The following TRIM7 variants were observed in gnomAD, a reference collection of about 807,000 sequenced individuals.
TRIM7 encodes the protein E3 ubiquitin-protein ligase TRIM7.
In TRIM7, 32 loss-of-function variants were observed where a neutral mutation model predicts 37.9. That is an observed-to-expected ratio of 0.84 (90% CI 0.64 to 1.13). TRIM7 has a LOEUF of 1.13. TRIM7 is among the 50% of genes most tolerant of loss of function. TRIM7 has a pLI of 0.00. For missense variants in TRIM7, 732 were observed against 714.0 expected, an observed-to-expected ratio of 1.03 and a Z score of -0.29; for synonymous variants, 351 against 321.3, an observed-to-expected ratio of 1.09 and a Z score of -0.99.
In TRIM7 at chr5:181,199,847, T is replaced by C. The variant is rs910433771; in HGVS notation, c.849+4A>G. 5 of 1,612,278 alleles carry C rather than the reference T, an allele frequency of 3.1e-6. No homozygotes were observed. Among genetic ancestry groups the C allele is most frequent in the Non-Finnish European group, 4.2e-6 (5 of 1,178,998 alleles). ...ACTCGAGCCCCTGGCTGAGCCAGAC[T>C]TACCTGGAGAAAGTCAAGGTCAGGC... On this transcript the variant is annotated splice_donor_region_variant and intron_variant, in intron 3 of 6. Transcript: ENST00000274773.
Position 181,195,371 on chromosome 5 carries a change from G to A in TRIM7, c.1331C>T (p.Ala444Val), listed in dbSNP as rs779272280. Reference sequence around the variant, plus strand: ...GGGCGACCGCTCGGGGCTGGTCACGGCCCAGTACTGGCCGCCGTTGAGCTG... The same window carrying A: ...GGGCGACCGCTCGGGGCTGGTCACGACCCAGTACTGGCCGCCGTTGAGCTG... ...ALQLNGGQYW[A>V]VTSPERSPLS... The change falls in exon 7 of 7, where the codon GCC becomes GTC. Residue 444 changes from alanine to valine, a missense_variant. Coordinates refer to ENST00000274773, the MANE Select transcript of TRIM7 (RefSeq NM_203293.3). 45 of 1,579,652 alleles carry A rather than the reference G, an allele frequency of 2.8e-5. No homozygotes were observed. In the African/African-American group the frequency reaches 6.1e-4, roughly 21 times the overall value.
chr5:181,194,960 A>C lies in TRIM7; in HGVS notation c.*206T>G. ...ATCCACATGTGACCTCAGGAAGGGA[A>C]CACCCTCAGGAGTCCAAAGCCCCTG... is the stretch of plus-strand genomic sequence containing the variant. On this transcript the variant is annotated 3_prime_UTR_variant, in exon 7 of 7. Coordinates refer to ENST00000274773, the MANE Select transcript of TRIM7 (RefSeq NM_203293.3). 1.8e-6 allele frequency: 1 copy of C among 568,378 alleles called. No individual in the cohort carries two copies. Among genetic ancestry groups the C allele is most frequent in the Non-Finnish European group, 3.0e-6 (1 of 333,716 alleles). The allele number at this position is 568,378 out of a possible 1,614,324, so 35.2% of individuals were successfully genotyped here.
Position 181,203,889 on chromosome 5 carries a change from G to C in TRIM7, c.523-249C>G, listed in dbSNP as rs180872845. 1.7e-3 allele frequency: 2,212 copies of C among 1,268,712 alleles called. 5 individuals carry two copies. The highest frequency in any genetic ancestry group is 0.01 in the Middle Eastern group (34 of 3,252). 78.6% of individuals were successfully genotyped at this position (1,268,712 alleles called of 1,614,324 possible). A position where few individuals can be genotyped will look rare whatever the true frequency, so the allele number is the denominator to read the frequency against. ...ACAAGCTCCGGCAGCCCTACCCCTA[G>C]TCGTCTCCTCTACTCTCCGCCCCCC... is the stretch of plus-strand genomic sequence containing the variant. On this transcript the variant is annotated intron_variant, in intron 1 of 6. Coordinates refer to ENST00000274773, the MANE Select transcript of TRIM7 (RefSeq NM_203293.3).
In TRIM7 at chr5:181,205,090, C is replaced by A. The variant is rs958799667; in HGVS notation, c.21G>T (p.Arg7=). The A allele has an allele frequency of 7.4e-7, 1 of 1,347,950 alleles. No homozygotes were observed. Among genetic ancestry groups the A allele is most frequent in the Non-Finnish European group, 9.5e-7 (1 of 1,052,430 alleles). 83.5% of individuals were successfully genotyped at this position (1,347,950 alleles called of 1,614,324 possible). A position where few individuals can be genotyped will look rare whatever the true frequency, so the allele number is the denominator to read the frequency against. Residue 7 remains arginine, a synonymous_variant, in exon 1 of 7, where the codon CGG becomes CGT. Coordinates refer to ENST00000274773, the MANE Select transcript of TRIM7 (RefSeq NM_203293.3). MAAVGP[R]TGPGTGAEAL... ...CCTCGGCGCCGGTTCCGGGGCCGGT[C>A]CGCGGTCCCACAGCCGCCATGCGCG...
chr5:181,198,042 G>A (rs1336581737), intron 6 of TRIM7, 141 bp downstream of exon 6: 27 of 775,120 alleles, frequency 3.5e-5, no homozygotes, highest in Non-Finnish European at 5.8e-5. Context: ...TGGTGTGGGG[G>A]AGGGGACAGA....
chr5:181,202,569 CTT>C (rs34294728), intron 2 of TRIM7: 182 of 141,376 alleles, frequency 1.3e-3, no homozygotes, highest in African/African-American at 2.0e-3. Context: ...GTTTGCTTAT[CTT>C]TTTTTTTTTT....
chr5:181,204,773 G>T lies in TRIM7; in HGVS notation c.338C>A (p.Pro113Gln). ...LRRFSLPAAA[P>Q]GEHGSQAAAA... is the part of the protein sequence containing the mutation. ...GGCCGCCTGAGACCCGTGCTCTCCC[G>T]GGGCAGCCGCGGGCAGGCTGAAGCG... The change falls in exon 1 of 7, where the codon CCG becomes CAG. Residue 113 changes from proline (P) to glutamine (Q), a missense_variant. Pro to Gln is a moderately conservative substitution (Grantham distance 76). Transcript: ENST00000274773. The T allele has an allele frequency of 7.0e-7, 1 of 1,435,008 alleles. No individual in the cohort carries two copies. The highest frequency in any genetic ancestry group is 9.1e-7 in the Non-Finnish European group (1 of 1,103,466). The allele number at this position is 1,435,008 out of a possible 1,614,324, so 88.9% of individuals were successfully genotyped here.
intron 6 of TRIM7, 102 bp from the exon 7 acceptor site, chr5:181,195,779 C>T (rs1403436242): frequency 1.5e-5 from 22 of 1,428,606 alleles, no homozygotes; most frequent in Non-Finnish European, 1.9e-5. Flanking sequence ...CCTGCCTTTC[C>T]CTCTAGAATC....
intron 5 of TRIM7, 36 bp downstream of exon 5, chr5:181,198,654 G>A (rs372866184): frequency 4.2e-5 from 61 of 1,451,418 alleles, no homozygotes; most frequent in Non-Finnish European, 3.9e-5. Context: ...CACCACCACC[G>A]CACTATGTGG....
intron 2 of TRIM7, chr5:181,200,688 T>A: frequency 3.0e-6 from 3 of 993,728 alleles, no homozygotes; most frequent in Non-Finnish European, 3.6e-6. Context: ...AAGTGTCATA[T>A]TCTGTTCTTT....
rs1345319320 is a variant in TRIM7, at chr5:181,198,342, AC to A, written c.989-125del. 1.1e-5 allele frequency: 11 copies of A among 1,028,838 alleles called. No homozygotes were observed. The Admixed American group carries it at 2.2e-4, about 20-fold the overall frequency. 63.7% of individuals were successfully genotyped at this position (1,028,838 alleles called of 1,614,324 possible). ...CAGAGACTCCTAAGGCCAAGAGTGA[AC>A]GTGCAGGCACAGGGCCAAGCATGGG... On this transcript the variant is annotated intron_variant, in intron 5 of 6. Coordinates refer to ENST00000274773, the MANE Select transcript of TRIM7 (RefSeq NM_203293.3).
intron 3 of TRIM7, chr5:181,199,323 T>C (rs1757333679): frequency 1.6e-6 from 1 of 618,116 alleles, no homozygotes; most frequent in Admixed American, 2.9e-5. Flanking sequence ...CCTCTCACCC[T>C]TTGCCACAAC....
At chr5:181,203,230 T>C in intron 2 of TRIM7, 1 of 1,160,634 alleles carries the variant, frequency 8.6e-7, no homozygotes, top group Non-Finnish European at 1.1e-6. Context: ...TGTGTTCCAT[T>C]ACAAGATGCT....
chr5:181,204,866 C>A lies in TRIM7; in HGVS notation c.245G>T (p.Arg82Leu). Residue 82 changes from arginine (R) to leucine (L), a missense_variant, in exon 1 of 7, where the codon CGC (arginine) becomes CTC (leucine). Arg to Leu is a moderately radical substitution (Grantham distance 102, BLOSUM62 -2). Coordinates refer to ENST00000274773, the MANE Select transcript of TRIM7 (RefSeq NM_203293.3). ...CAGCTGACTGGGGCGCGCGGGCTCG[C>A]GGCACTGCGGACAGGGCAGTGGGAA... Reference protein sequence around the residue: ...PPFPLPCPQCREPARPSQLRP... With the variant: ...PPFPLPCPQCLEPARPSQLRP... 1 of 1,341,468 alleles carries A rather than the reference C, an allele frequency of 7.5e-7. No individual in the cohort carries two copies. The highest frequency in any genetic ancestry group is 3.1e-5 in the East Asian group (1 of 32,310). The allele number at this position is 1,341,468 out of a possible 1,614,324, so 83.1% of individuals were successfully genotyped here.
Position 181,204,630 on chromosome 5 carries a change from G to T in TRIM7, c.481C>A (p.His161Asn). The T allele has an allele frequency of 1.4e-6, 2 of 1,479,072 alleles. No homozygotes were observed. The highest frequency in any genetic ancestry group is 1.8e-6 in the Non-Finnish European group (2 of 1,127,178). The allele number at this position is 1,479,072 out of a possible 1,614,324, so 91.6% of individuals were successfully genotyped here. ...VCDRAREHREHAVLPLDEAVQ... is the reference protein window; with the variant it reads ...VCDRAREHRENAVLPLDEAVQ... ...GCCTCGTCCAGCGGCAGCACGGCGT[G>T]CTCGCGGTGCTCGCGGGCGCGGTCG... The change falls in exon 1 of 7, where the codon CAC (histidine) becomes AAC (asparagine). Residue 161 changes from histidine to asparagine, a missense_variant. His to Asn is a moderately conservative substitution (Grantham distance 68). Coordinates refer to ENST00000274773, the MANE Select transcript of TRIM7 (RefSeq NM_203293.3).
chr5:181,198,657 C>G, intron 5 of TRIM7, 33 bp downstream of exon 5: 1 of 1,495,146 alleles, frequency 6.7e-7, no homozygotes, highest in Middle Eastern at 1.7e-4. Context: ...CACCACCGCA[C>G]TATGTGGCCC....
At chr5:181,201,697 G>A (rs1027614993) in intron 2 of TRIM7, among the ~76,000 whole-genome samples, 1 of 152,222 alleles carries the variant, frequency 6.6e-6, no homozygotes, top group African/African-American at 2.4e-5. Context: ...AACGACTCCA[G>A]CCTTTGTGAC....
At chr5:181,203,869 C>T in intron 1 of TRIM7, 1 of 1,303,640 alleles carries the variant, frequency 7.7e-7, no homozygotes, top group Non-Finnish European at 9.7e-7. Flanking sequence ...GAAACACAAG[C>T]TCCGGCAGCC....
At chr5:181,203,913 C>A (rs111630510) in intron 1 of TRIM7, 3 of 1,189,844 alleles carry the variant, frequency 2.5e-6, no homozygotes, top group African/African-American at 1.6e-5. Flanking sequence ...TCTCCGCCCC[C>A]CCACCAGGAA....
Sources: allele counts gnomAD v4.1 joint callset (sites outside exome capture counted in the v4.1 genomes callset), GRCh38; gene constraint gnomAD v4.1.1; transcripts MANE v1.5; gene names NCBI Gene and HGNC (gene_info 2026-07-23, HGNC 2026-07-21).